DENND4A: variants seen among roughly 807,000 people sequenced by gnomAD.
DENND4A encodes the protein C-myc promoter-binding protein.
Under a neutral mutation model 199.3 loss-of-function variants are expected in DENND4A, and 70 were observed. The observed-to-expected ratio is 0.35, with a 90% CI of 0.29 to 0.43. The LOEUF (loss-of-function observed/expected upper bound fraction) is 0.43, where lower values mean the gene tolerates loss of function less well. Ranked by LOEUF, DENND4A falls within the 20% of genes least tolerant of loss-of-function variation. DENND4A has a pLI of 1.00. For synonymous variants in DENND4A, 686 were observed against 766.9 expected, an observed-to-expected ratio of 0.89 and a Z score of 1.74; for missense variants, 1,723 against 2,255.8, an observed-to-expected ratio of 0.76 and a Z score of 4.78.
At chr15:65,731,768 A>C (rs1483903597) in intron 8 of DENND4A, 68 bp from the exon 9 acceptor site, 2 of 1,061,924 alleles carry the variant, frequency 1.9e-6, no homozygotes, top group African/African-American at 3.2e-5. Context: ...CTTTCTGTTA[A>C]AAATATATAA....
At chr15:65,784,025 A>G (rs889994178) in intron 1 of DENND4A, among the ~76,000 whole-genome samples, 1 of 152,200 alleles carries the variant, frequency 6.6e-6, no homozygotes, top group African/African-American at 2.4e-5. Context: ...TAACAATATC[A>G]GTGATAAGCC....
At chr15:65,724,381 G>GTT (rs35006844) in intron 11 of DENND4A, among the ~76,000 whole-genome samples, 20 of 143,372 alleles carry the variant, frequency 1.4e-4, no homozygotes, top group African/African-American at 4.8e-4. Context: ...TTTTTGAATC[G>GTT]TTTTTTTTTT....
Position 65,741,678 on chromosome 15 carries a change from T to C in DENND4A, c.631+37A>G, listed in dbSNP as rs376659878. ...TAACCTTTCCGGGCCCTATAATACA[T>C]TTATATATGAAGTATTGCATGAAAA... On this transcript the variant is annotated intron_variant, in intron 5 of 32. Coordinates refer to ENST00000443035, the MANE Select transcript of DENND4A (RefSeq NM_001320835.1). 4.3e-5 allele frequency: 68 copies of C among 1,577,092 alleles called. 1 individual carries two copies. In the African/African-American group the frequency reaches 5.5e-4, roughly 13 times the overall value.
chr15:65,700,420 TAATA>T (rs2074824478), intron 20 of DENND4A, 120 bp downstream of exon 20: 1 of 404,502 alleles, frequency 2.5e-6, no homozygotes, highest in Non-Finnish European at 4.0e-6. Flanking sequence ...ATAAAATACA[TAATA>T]TATAAAATTA....
intron 1 of DENND4A, chr15:65,771,153 T>C (rs746507956): frequency 2.6e-6 from 4 of 1,567,686 alleles, no homozygotes; most frequent in Non-Finnish European, 2.6e-6. Flanking sequence ...CGCTAAAAGG[T>C]ATAAATAAAA....
chr15:65,685,710 A>G (rs2076754094), intron 23 of DENND4A, among the ~76,000 whole-genome samples: 1 of 152,160 alleles, frequency 6.6e-6, no homozygotes, highest in Non-Finnish European at 1.5e-5. Context: ...TGGAAGCAGA[A>G]CTTGCAGATA....
chr15:65,681,343 T>A (rs2076565843), intron 23 of DENND4A: 1 of 152,274 alleles, frequency 6.6e-6, no homozygotes, highest in African/African-American at 2.4e-5. Context: ...ATTAATTGCA[T>A]CTAGAAGAGA....
At chr15:65,701,492 G>A (rs916883333) in intron 18 of DENND4A, among the ~76,000 whole-genome samples, 2 of 152,076 alleles carry the variant, frequency 1.3e-5, no homozygotes, top group African/African-American at 4.8e-5. Context: ...AATTGAGCCT[G>A]GGAGGTCAAG....
chr15:65,710,056 T>A (rs2075200519), intron 14 of DENND4A, among the ~76,000 whole-genome samples: 1 of 152,106 alleles, frequency 6.6e-6, no homozygotes, highest in Admixed American at 6.6e-5. Flanking sequence ...TGGACTACCA[T>A]CACATAAACA....
At chr15:65,743,321 C>A (rs1177672903) in intron 4 of DENND4A, among the ~76,000 whole-genome samples, 1 of 152,202 alleles carries the variant, frequency 6.6e-6, no homozygotes, top group Non-Finnish European at 1.5e-5. Context: ...TTAAGACACA[C>A]CATTTTCCTT....
chr15:65,709,719 A>AAAAAAAT (rs1218030026), intron 14 of DENND4A, among the ~76,000 whole-genome samples: 2 of 51,476 alleles, frequency 3.9e-5, no homozygotes, highest in Non-Finnish European at 6.3e-5. Flanking sequence ...AAAAAAAAAA[A>AAAAAAAT]ATATATATAT....
chr15:65,693,637 C>A (rs925579343), intron 22 of DENND4A, among the ~76,000 whole-genome samples: 3 of 151,424 alleles, frequency 2.0e-5, no homozygotes, highest in Admixed American at 2.0e-4. Flanking sequence ...TGACTCCTAC[C>A]CTCATTTATT....
chr15:65,715,580 G>A lies in DENND4A; in HGVS notation c.1851C>T (p.Asn617=). ...SRDRSHQKFY[N]MMTKTQMFIR... is the part of the protein sequence containing the mutation. ...TAAACATTTGTGTTTTGGTCATCAT[G>A]TTATAGAATTTTTGATGTGACCGGT... Residue 617 remains asparagine, a synonymous_variant, in exon 14 of 33, where the codon AAC becomes AAT. Coordinates refer to ENST00000443035, the MANE Select transcript of DENND4A (RefSeq NM_001320835.1). The A allele has an allele frequency of 1.3e-6, 2 of 1,596,058 alleles. No individual in the cohort carries two copies. Among genetic ancestry groups the A allele is most frequent in the Non-Finnish European group, 8.5e-7 (1 of 1,171,418 alleles).
intron 3 of DENND4A, among the ~76,000 whole-genome samples, chr15:65,755,388 C>T (rs567408176): frequency 2.0e-4 from 30 of 152,228 alleles, no homozygotes; most frequent in African/African-American, 6.0e-4. Context: ...GTATGGTATA[C>T]GAATTGTATC....
chr15:65,697,408 A>G, intron 20 of DENND4A, 25 bp from the exon 21 acceptor site: 1 of 1,433,836 alleles, frequency 7.0e-7, no homozygotes, highest in Admixed American at 1.8e-5. Context: ...AATAAACAAA[A>G]CTCTATTAGA....
chr15:65,680,001 C>G (rs2076517087), intron 23 of DENND4A, among the ~76,000 whole-genome samples: 1 of 152,094 alleles, frequency 6.6e-6, no homozygotes, highest in African/African-American at 2.4e-5. Context: ...AATGCCTGTC[C>G]TTGGTATCTC....
Position 65,722,931 on chromosome 15 carries a change from T to C in DENND4A, c.1505A>G (p.Asn502Ser), listed in dbSNP as rs764300380. 1.2e-6 allele frequency: 2 copies of C among 1,606,018 alleles called. No individual in the cohort carries two copies. The highest frequency in any genetic ancestry group is 2.2e-5 in the South Asian group (2 of 89,396). Residue 502 changes from asparagine (N) to serine (S), a missense_variant, in exon 12 of 33, where the codon AAT becomes AGT. Asn to Ser is a conservative substitution (Grantham distance 46). Around this residue, in one of 6 missense-constraint regions of DENND4A, gnomAD observed 725 missense variants for 952.9 expected, o/e 0.76. Coordinates refer to ENST00000443035, the MANE Select transcript of DENND4A (RefSeq NM_001320835.1). ...CTTTGGAAGTATCTTCCAGGCTACA[T>C]TTTTCTTGTCACCAATTCTAAGATT... Reference protein sequence around the residue: ...NTISQIGDKKNVAWKILPKKP... With the variant: ...NTISQIGDKKSVAWKILPKKP...
intron 9 of DENND4A, among the ~76,000 whole-genome samples, chr15:65,730,578 T>C (rs1052037592): frequency 6.6e-6 from 1 of 152,112 alleles, no homozygotes. Context: ...GCAACATAGA[T>C]AGACCTTGAA....
intron 12 of DENND4A, among the ~76,000 whole-genome samples, chr15:65,720,573 G>A (rs143311945): frequency 7.3e-4 from 111 of 151,856 alleles, no homozygotes; most frequent in African/African-American, 2.5e-3. Flanking sequence ...CACCACATCC[G>A]GGTAATTTTT....
Sources: gnomAD v4.1 joint callset for allele counts (sites outside exome capture counted in the v4.1 genomes callset) on GRCh38, gnomAD v4.1.1 for gene constraint, gnomAD v4.1.1 regional missense constraint, MANE v1.5 for transcripts, NCBI Gene and HGNC (gene_info 2026-07-23, HGNC 2026-07-21) for gene names.